The following CLDN14 variants were observed in gnomAD, a reference collection of about 807,000 sequenced individuals.
CLDN14 encodes claudin 14, also known as claudin-14.
Under a neutral mutation model 2.1 loss-of-function variants are expected in CLDN14, and 2 were observed. The ratio of observed to expected loss-of-function variants is 0.96; its 90% confidence interval spans 0.39 to 3.01. The LOEUF is 3.01. Among genes scored for constraint, CLDN14 ranks in the 30% most tolerant of loss-of-function variants. The pLI, the probability that CLDN14 is intolerant of heterozygous loss-of-function variation, is 0.09. For synonymous variants in CLDN14, 136 were observed against 154.4 expected (o/e 0.88, Z 0.88); for missense variants, 298 against 328.0 (o/e 0.91, Z 0.71).
At chr21:36,478,878 C>T (rs1240962977) in intron 1 of CLDN14, among the ~76,000 whole-genome samples, 1 of 152,178 alleles carries the variant, frequency 6.6e-6, no homozygotes, top group Non-Finnish European at 1.5e-5. Context: ...ATGTGGGGCC[C>T]CAGGTAACTG....
chr21:36,556,235 C>T (rs1392508275), intron 1 of CLDN14, among the ~76,000 whole-genome samples: 1 of 152,150 alleles, frequency 6.6e-6, no homozygotes. Flanking sequence ...TCCTCCAGTA[C>T]TTTCTAGTTA....
At chr21:36,518,304 A>G (rs1457717088) in intron 1 of CLDN14, among the ~76,000 whole-genome samples, 3 of 152,222 alleles carry the variant, frequency 2.0e-5, no homozygotes, top group Non-Finnish European at 4.4e-5. Context: ...AATGCTAAAA[A>G]AAGTTCATAC....
upstream of CLDN14, chr21:36,481,127 C>A (rs2086841407): frequency 6.6e-6 from 1 of 152,164 alleles, no homozygotes; most frequent in Non-Finnish European, 1.5e-5. Context: ...AGGCCCAGAT[C>A]CTCTATCCTT....
Position 36,498,857 on chromosome 21 carries a change from A to G in CLDN14, c.-82+11506T>C, listed in dbSNP as rs2087065435. ...CTGAGGGGCCCTCATGGGGGCTGAAATTCAACCAAGGCTTGATTCCTGCCT... is the reference window on the plus strand; with the variant it reads ...CTGAGGGGCCCTCATGGGGGCTGAAGTTCAACCAAGGCTTGATTCCTGCCT... On this transcript the variant is annotated intron_variant, in intron 2 of 2. Transcript: ENST00000342108. This position sits in a 1 kb window ranked among gnomAD's most constrained non-coding sequence, Gnocchi z 4.9. 1.3e-5 allele frequency among the ~76,000 whole-genome samples: 2 copies of G among 151,944 alleles called. No homozygotes were observed. The highest frequency in any genetic ancestry group is 4.8e-5 in the African/African-American group (2 of 41,370).
At chr21:36,492,973 G>A (rs1260876986) in intron 2 of CLDN14, among the ~76,000 whole-genome samples, 1 of 152,212 alleles carries the variant, frequency 6.6e-6, no homozygotes, top group Non-Finnish European at 1.5e-5. Flanking sequence ...CTGAGCCACT[G>A]TGTCTTTGTG....
At chr21:36,489,106 T>C (rs1200651817) in intron 2 of CLDN14, among the ~76,000 whole-genome samples, 1 of 96,538 alleles carries the variant, frequency 1.0e-5, no homozygotes, top group Non-Finnish European at 1.9e-5. Context: ...TGAGTGAGAG[T>C]CTGTCTCAAA....
chr21:36,523,781 G>GAGAGAGAGAGAGAGAGAGAAAGAA (rs1568868851), intron 1 of CLDN14, among the ~76,000 whole-genome samples: 103 of 38,356 alleles, frequency 2.7e-3, no homozygotes, highest in Middle Eastern at 0.021. Context: ...GAGAGAAAGA[G>GAGAGAGAGAGAGAGAGAGAAAGAA]AGAAAGAAAG....
intron 2 of CLDN14, among the ~76,000 whole-genome samples, chr21:36,509,136 A>G (rs2087161020): frequency 1.3e-5 from 2 of 152,216 alleles, no homozygotes; most frequent in South Asian, 2.1e-4. Context: ...GGCCCTGGGC[A>G]TGGCTGCGGT....
intron 2 of CLDN14, among the ~76,000 whole-genome samples, chr21:36,488,842 A>G (rs2086927852): frequency 6.6e-6 from 1 of 152,058 alleles, no homozygotes; most frequent in Non-Finnish European, 1.5e-5. Context: ...AAAAATACAG[A>G]AAGAGGCCGC....
chr21:36,491,339 C>T (rs1225129605), intron 2 of CLDN14, among the ~76,000 whole-genome samples: 6 of 152,116 alleles, frequency 3.9e-5, no homozygotes, highest in East Asian at 1.9e-4. Context: ...CCCAGCTGGG[C>T]GCCTCTTCCA....
chr21:36,538,748 C>A (rs1391744327), intron 1 of CLDN14, among the ~76,000 whole-genome samples: 1 of 106,848 alleles, frequency 9.4e-6, no homozygotes, highest in Non-Finnish European at 2.1e-5. Flanking sequence ...AAGTCACCTC[C>A]ATTGAAAACC....
intron 1 of CLDN14, among the ~76,000 whole-genome samples, chr21:36,547,759 G>A (rs1449244787): frequency 6.6e-6 from 1 of 152,308 alleles, no homozygotes; most frequent in Admixed American, 6.5e-5. Context: ...GCTGGCCACA[G>A]GATAAGGTCC....
upstream of CLDN14, among the ~76,000 whole-genome samples, chr21:36,482,199 G>C (rs1272168930): frequency 6.6e-6 from 1 of 152,200 alleles, no homozygotes; most frequent in Non-Finnish European, 1.5e-5. Context: ...ATGCCAATCA[G>C]GGGTAAGTGA....
intron 2 of CLDN14, among the ~76,000 whole-genome samples, chr21:36,496,258 A>G (rs1351725012): frequency 2.0e-5 from 3 of 152,054 alleles, no homozygotes; most frequent in Non-Finnish European, 4.4e-5. Context: ...CAACATAGTG[A>G]AACCCCATCT....
intron 1 of CLDN14, among the ~76,000 whole-genome samples, chr21:36,567,789 G>A (rs2087683692): frequency 6.6e-6 from 1 of 152,178 alleles, no homozygotes; most frequent in African/African-American, 2.4e-5. Flanking sequence ...TTAGTTTATG[G>A]AAGGGGGAAG....
At chr21:36,573,948 T>A (rs889242732) in intron 1 of CLDN14, among the ~76,000 whole-genome samples, 2 of 152,180 alleles carry the variant, frequency 1.3e-5, no homozygotes, top group African/African-American at 2.4e-5. Flanking sequence ...ACCATGTTCA[T>A]TGATTGGAAG....
chr21:36,533,868 A>G (rs760231122), intron 1 of CLDN14, among the ~76,000 whole-genome samples: 8 of 152,168 alleles, frequency 5.3e-5, no homozygotes, highest in Non-Finnish European at 1.2e-4. Context: ...GAGGGAGAGG[A>G]TCAGGAAAAA....
At chr21:36,512,618 G>A (rs2087194960) in intron 1 of CLDN14, among the ~76,000 whole-genome samples, 1 of 152,226 alleles carries the variant, frequency 6.6e-6, no homozygotes, top group South Asian at 2.1e-4. Flanking sequence ...GAAAAGGTCA[G>A]TAGCAGAACA....
chr21:36,491,085 C>T (rs908202861), intron 2 of CLDN14, among the ~76,000 whole-genome samples: 1 of 152,118 alleles, frequency 6.6e-6, no homozygotes, highest in African/African-American at 2.4e-5. Context: ...ATTTGCATCA[C>T]GTTAACTTGG....
Sources: gnomAD v4.1 joint callset for allele counts (sites outside exome capture counted in the v4.1 genomes callset) on GRCh38, gnomAD v4.1.1 for gene constraint, Gnocchi (gnomAD v3.1) non-coding constraint, MANE v1.5 for transcripts, NCBI Gene and HGNC (gene_info 2026-07-23, HGNC 2026-07-21) for gene names.